The following ACER3 variants were observed in gnomAD, a reference collection of about 807,000 sequenced individuals.
The protein encoded by ACER3 is alkCDase 3.
Under a neutral mutation model 48.9 loss-of-function variants are expected in ACER3, and 16 were observed. The ratio of observed to expected loss-of-function variants is 0.33; its 90% CI spans 0.22 to 0.50. ACER3 has a LOEUF of 0.50. ACER3 is among the 20% of genes least tolerant of loss of function. The pLI, the probability that ACER3 is intolerant of heterozygous loss-of-function variation, is 0.98. For missense variants in ACER3, 227 were observed against 326.0 expected (o/e 0.70, Z 2.34); for synonymous variants, 109 against 107.8 (o/e 1.01, Z -0.07).
chr11:76,978,733 GGGGCTCCGCGAGCCAGGGCT>G (rs908966872), intron 4 of ACER3: 1 of 154,538 alleles, frequency 6.5e-6, no homozygotes, highest in Non-Finnish European at 1.4e-5. Context: ...CCCAGACCTA[GGGGCTCCGCGAGCCAGGGCT>G]GTGACACCCT....
chr11:76,874,723 G>T (rs1247292589), intron 1 of ACER3, among the ~76,000 whole-genome samples: 2 of 152,176 alleles, frequency 1.3e-5, no homozygotes, highest in African/African-American at 4.8e-5. Context: ...GAGTTTCTAG[G>T]GTGTGGGAGG....
rs781859564 is a variant in ACER3 at position 76,998,724 on chromosome 11, A to T, written c.439-39A>T. ...CAAAATAGACTTCCTTTGCCAAACA[A>T]TAATGATTGTACTAACCTCATTTTC... is the stretch of plus-strand genomic sequence containing the variant. On this transcript the variant is annotated intron_variant, in intron 6 of 10. Transcript: ENST00000532485. 2.7e-6 allele frequency: 4 copies of T among 1,496,466 alleles called. No individual in the cohort carries two copies. In the South Asian group the frequency reaches 5.0e-5, roughly 19 times the overall value. 92.7% of individuals were successfully genotyped at this position (1,496,466 alleles called of 1,614,324 possible). A position where few individuals can be genotyped will look rare whatever the true frequency, so the allele number is the denominator to read the frequency against.
At chr11:76,985,292 A>G (rs946039543) in intron 4 of ACER3, among the ~76,000 whole-genome samples, 1 of 152,158 alleles carries the variant, frequency 6.6e-6, no homozygotes, top group Non-Finnish European at 1.5e-5. Flanking sequence ...TTGTGGAGAC[A>G]GGGTCTCAAT....
chr11:76,991,829 A>AAG (rs962639222), intron 6 of ACER3, among the ~76,000 whole-genome samples: 22 of 151,366 alleles, frequency 1.5e-4, no homozygotes, highest in South Asian at 8.4e-4. Flanking sequence ...AAAAAAAAAA[A>AAG]AAAGAAAGAA....
intron 6 of ACER3, among the ~76,000 whole-genome samples, chr11:76,996,427 T>C (rs1210132805): frequency 1.8e-5 from 2 of 112,574 alleles, no homozygotes; most frequent in Non-Finnish European, 4.2e-5. Flanking sequence ...ATTATTATTA[T>C]TATTTTTTGA....
At chr11:76,918,025 T>G (rs1449873148) in intron 1 of ACER3, among the ~76,000 whole-genome samples, 2 of 152,082 alleles carry the variant, frequency 1.3e-5, no homozygotes, top group African/African-American at 4.8e-5. Flanking sequence ...AGTGTATTGG[T>G]TTTTTTGCCT....
At chr11:77,005,986 TATATA>T (rs1160463769) in intron 7 of ACER3, among the ~76,000 whole-genome samples, 4 of 33,914 alleles carry the variant, frequency 1.2e-4, no homozygotes, top group Admixed American at 2.9e-4. Context: ...TATATATATA[TATATA>T]TTTTTTTTTT....
At chr11:76,942,289 T>C (rs1039567334) in intron 2 of ACER3, among the ~76,000 whole-genome samples, 2 of 152,186 alleles carry the variant, frequency 1.3e-5, no homozygotes, top group African/African-American at 4.8e-5. Context: ...TTAAGTATGA[T>C]GTTGGCTATG....
At chr11:76,861,944 A>G (rs372566953) in intron 1 of ACER3, among the ~76,000 whole-genome samples, 2 of 152,154 alleles carry the variant, frequency 1.3e-5, no homozygotes, top group East Asian at 1.9e-4. Context: ...CTGTGTGCCT[A>G]TGTGGGTGTC....
chr11:76,972,486 T>C (rs1244976209), intron 3 of ACER3, among the ~76,000 whole-genome samples: 1 of 152,256 alleles, frequency 6.6e-6, no homozygotes, highest in Non-Finnish European at 1.5e-5. Context: ...ATATTCTAGA[T>C]ACTAGACTCT....
Position 76,990,558 on chromosome 11 carries a change from A to G in ACER3, c.422A>G (p.Glu141Gly). 6.7e-7 allele frequency: 1 copy of G among 1,500,966 alleles called. No homozygotes were observed. The highest frequency in any genetic ancestry group is 9.3e-7 in the Non-Finnish European group (1 of 1,078,756). The allele number at this position is 1,500,966 out of a possible 1,614,324, so 93.0% of individuals were successfully genotyped here. The change falls in exon 6 of 11, where the codon GAG (glutamate) becomes GGG (glycine). Residue 141 changes from glutamate (E) to glycine (G), a missense_variant. Glu to Gly is a moderately conservative substitution (Grantham distance 98). Coordinates refer to ENST00000532485, the MANE Select transcript of ACER3 (RefSeq NM_018367.7). Reference protein sequence around the residue: ...IVTTVYLKVKEPIFHQVMYGM... With the variant: ...IVTTVYLKVKGPIFHQVMYGM... Reference sequence around the variant, plus strand: ...TTGCAGGTTTACCTTAAGGTAAAAGAGCCGATATTCCATCAGGTAATTTTT... The same window carrying G: ...TTGCAGGTTTACCTTAAGGTAAAAGGGCCGATATTCCATCAGGTAATTTTT...
At chr11:76,916,562 T>TGTAACAA (rs1461036159) in intron 1 of ACER3, among the ~76,000 whole-genome samples, 14 of 152,344 alleles carry the variant, frequency 9.2e-5, no homozygotes, top group Admixed American at 1.3e-4. Context: ...GTGGTCATTT[T>TGTAACAA]GAGTAGGATG....
At chr11:76,864,216 G>A (rs1945015059) in intron 1 of ACER3, among the ~76,000 whole-genome samples, 3 of 152,172 alleles carry the variant, frequency 2.0e-5, no homozygotes, top group African/African-American at 4.8e-5. Flanking sequence ...AAAGACCAGA[G>A]GAAAAGGTCT....
At position 77,025,023 on chromosome 11, in the gene ACER3, T is replaced by A. The variant is rs1949530158; in HGVS notation, c.*4696T>A. The A allele has an allele frequency of 6.6e-6, 1 of 152,190 alleles. No individual in the cohort carries two copies. The highest frequency in any genetic ancestry group is 2.4e-5 in the African/African-American group (1 of 41,442). 9.4% of individuals were successfully genotyped at this position (152,190 alleles called of 1,614,324 possible). ...CCTTACAAGACCTGCTTCATTGCTT[T>A]AAAAATGTAGTGTTGATACTTGAAC... is the stretch of plus-strand genomic sequence containing the variant. On this transcript the variant is annotated 3_prime_UTR_variant, in exon 11 of 11. Transcript: ENST00000532485.
intron 1 of ACER3, among the ~76,000 whole-genome samples, chr11:76,895,067 A>G (rs1011517480): frequency 1.3e-5 from 2 of 152,286 alleles, no homozygotes; most frequent in East Asian, 1.9e-4. Flanking sequence ...TATTTGGAAT[A>G]TAGCCTAGTG....
At chr11:76,933,476 T>C (rs1233476768) in intron 2 of ACER3, among the ~76,000 whole-genome samples, 1 of 150,288 alleles carries the variant, frequency 6.7e-6, no homozygotes, top group Admixed American at 6.6e-5. Context: ...TAGGGAGTGG[T>C]GATGACTCTT....
intron 2 of ACER3, chr11:76,955,689 C>T (rs1362196373): frequency 6.6e-6 from 1 of 152,242 alleles, no homozygotes; most frequent in Non-Finnish European, 1.5e-5. Context: ...ACCTAATTAA[C>T]TCCCAAAGGT....
chr11:76,902,183 G>C (rs1479141891), intron 1 of ACER3, among the ~76,000 whole-genome samples: 4 of 152,020 alleles, frequency 2.6e-5, no homozygotes, highest in African/African-American at 7.3e-5. Flanking sequence ...TGCTTCTCCT[G>C]CCATCTTGAC....
rs563729653 is a variant in ACER3 at position 77,023,102 on chromosome 11, A to C, written c.*2775A>C. 1.2e-4 allele frequency: 47 copies of C among 398,648 alleles called. No individual in the cohort carries two copies. Among genetic ancestry groups the C allele is most frequent in the Middle Eastern group, 1.3e-3 (2 of 1,588 alleles). The allele number at this position is 398,648 out of a possible 1,614,324, so 24.7% of individuals were successfully genotyped here. A position where few individuals can be genotyped will look rare whatever the true frequency, so the allele number is the denominator to read the frequency against. ...TCCCCACCATGGTGTTTCATGAAAC[A>C]TCCCCACCACCTGAAGTGATCTTTT... On this transcript the variant is annotated 3_prime_UTR_variant, in exon 11 of 11. Coordinates refer to ENST00000532485, the MANE Select transcript of ACER3 (RefSeq NM_018367.7).
Sources: allele counts gnomAD v4.1 joint callset (sites outside exome capture counted in the v4.1 genomes callset), GRCh38; gene constraint gnomAD v4.1.1; transcripts MANE v1.5; gene names NCBI Gene and HGNC (gene_info 2026-07-23, HGNC 2026-07-21).